Variants in SNX2 observed in about 807,000 individuals in gnomAD.
SNX2 encodes the protein sorting nexin 2, also known as sorting nexin-2.
In SNX2, 25 loss-of-function variants were observed where a neutral mutation model predicts 69.9. The observed-to-expected ratio is 0.36, with a 90% CI of 0.26 to 0.50. The LOEUF (loss-of-function observed/expected upper bound fraction) is 0.50. SNX2 is among the 20% of genes least tolerant of loss of function. SNX2 has a pLI of 0.97. For synonymous variants in SNX2, 229 were observed against 200.4 expected, an observed-to-expected ratio of 1.14 and a Z score of -1.20; for missense variants, 551 against 613.3, an observed-to-expected ratio of 0.90 and a Z score of 1.07.
At chr5:122,817,449 A>C in intron 10 of SNX2, 76 bp downstream of exon 10, 2 of 926,076 alleles carry the variant, frequency 2.2e-6, no homozygotes, top group Non-Finnish European at 3.2e-6. Context: ...TTATGAAAAT[A>C]AATATTCTGA....
At chr5:122,823,779 CGTGTGTGTGT>C (rs10559762) in intron 11 of SNX2, among the ~76,000 whole-genome samples, 59 of 145,918 alleles carry the variant, frequency 4.0e-4, no homozygotes, top group African/African-American at 5.5e-4. Flanking sequence ...AACATGTGGT[CGTGTGTGTGT>C]GTGTGTGTGT....
chr5:122,789,838 CAG>C (rs1339476617), intron 1 of SNX2, among the ~76,000 whole-genome samples: 1 of 152,182 alleles, frequency 6.6e-6, no homozygotes, highest in Non-Finnish European at 1.5e-5. Context: ...TATGATCTGT[CAG>C]AATTTGTTTA....
intron 1 of SNX2, among the ~76,000 whole-genome samples, chr5:122,790,705 G>A (rs980036258): frequency 3.3e-5 from 5 of 152,316 alleles, no homozygotes; most frequent in African/African-American, 9.6e-5. Context: ...GTGAGAGAAA[G>A]GGTAGAAGAT....
chr5:122,779,262 G>A (rs534727859), intron 1 of SNX2, among the ~76,000 whole-genome samples: 37 of 152,178 alleles, frequency 2.4e-4, no homozygotes, highest in Non-Finnish European at 4.1e-4. Context: ...GTTTTAGAGC[G>A]TTTTCATCAC....
chr5:122,798,685 C>T (rs1753440957), intron 2 of SNX2, among the ~76,000 whole-genome samples: 1 of 152,094 alleles, frequency 6.6e-6, no homozygotes, highest in South Asian at 2.1e-4. Flanking sequence ...ACATTATGGC[C>T]ACCACTTGTG....
At chr5:122,803,795 T>G (rs1006586901) in intron 6 of SNX2, 182 bp downstream of exon 6, 3 of 503,460 alleles carry the variant, frequency 6.0e-6, no homozygotes, top group Non-Finnish European at 1.0e-5. Context: ...GGTAATAGTT[T>G]TATTTTCTAA....
intron 11 of SNX2, among the ~76,000 whole-genome samples, chr5:122,825,563 C>A (rs561665496): frequency 1.5e-4 from 23 of 151,886 alleles, no homozygotes; most frequent in African/African-American, 5.5e-4. Flanking sequence ...GTTTTGATTG[C>A]TTTGCCTTTT....
chr5:122,816,941 T>C lies in SNX2; in HGVS notation c.825T>C (p.Ala275=). 1.2e-6 allele frequency: 2 copies of C among 1,613,346 alleles called. No individual in the cohort carries two copies. The highest frequency in any genetic ancestry group is 1.7e-6 in the Non-Finnish European group (2 of 1,179,454). ...TGCCTAGAGCAGTTAATACACAGGC[T>C]CTGAGTGGAGCAGGAATATTGAGGA... ...SELPRAVNTQ[A]LSGAGILRMV... The change falls in exon 9 of 15, where the codon GCT becomes GCC. Residue 275 remains alanine (A), a synonymous_variant. Transcript: ENST00000379516.
rs539504152 is a variant in SNX2, at chr5:122,795,896, A to G, written c.226+513A>G. Among the ~76,000 whole-genome samples the G allele has an allele frequency of 2.8e-4, 43 of 152,328 alleles. 1 individual carries two copies. The highest frequency in any genetic ancestry group is 9.6e-4 in the African/African-American group (40 of 41,586). ...ACAGGGGCAGGATTTGGTGTAGTTC[A>G]TCCTAACTTAAGAAGGACTCTGTTT... On this transcript the variant is annotated intron_variant, in intron 2 of 14. Coordinates refer to ENST00000379516, the MANE Select transcript of SNX2 (RefSeq NM_003100.4).
chr5:122,821,517 G>A (rs546444299), intron 11 of SNX2, among the ~76,000 whole-genome samples: 31 of 151,164 alleles, frequency 2.1e-4, no homozygotes, highest in Admixed American at 7.2e-4. Context: ...GTGCAGTGGC[G>A]TGATTTCGGC....
intron 1 of SNX2, among the ~76,000 whole-genome samples, chr5:122,782,368 A>G (rs1358188529): frequency 6.6e-6 from 1 of 151,716 alleles, no homozygotes; most frequent in African/African-American, 2.4e-5. Flanking sequence ...CCTCCTGAAT[A>G]GCTGGGATTA....
At chr5:122,819,845 T>C (rs932122930) in intron 11 of SNX2, among the ~76,000 whole-genome samples, 1 of 152,222 alleles carries the variant, frequency 6.6e-6, no homozygotes, top group Non-Finnish European at 1.5e-5. Context: ...GTGATCAAGT[T>C]AATACTCATC....
intron 2 of SNX2, among the ~76,000 whole-genome samples, chr5:122,795,953 G>A (rs1234671953): frequency 6.6e-6 from 1 of 152,098 alleles, no homozygotes; most frequent in Non-Finnish European, 1.5e-5. Context: ...TAAAATTAAT[G>A]TTTTAATATT....
At chr5:122,776,039 A>G (rs776996220) in intron 1 of SNX2, among the ~76,000 whole-genome samples, 2 of 152,154 alleles carry the variant, frequency 1.3e-5, no homozygotes, top group Non-Finnish European at 2.9e-5. Flanking sequence ...CCTTATATCC[A>G]GTTCCATTTG....
chr5:122,821,753 C>A (rs1466835441), intron 11 of SNX2, among the ~76,000 whole-genome samples: 1 of 152,118 alleles, frequency 6.6e-6, no homozygotes, highest in Non-Finnish European at 1.5e-5. Flanking sequence ...TTGCGCCTGG[C>A]CGGTAGATGT....
chr5:122,799,390 A>G (rs891857851), intron 2 of SNX2, among the ~76,000 whole-genome samples: 1 of 152,186 alleles, frequency 6.6e-6, no homozygotes, highest in Admixed American at 6.5e-5. Context: ...AAGTTGTTAC[A>G]AATCCAAACA....
At chr5:122,801,815 G>A (rs1753522166) in intron 3 of SNX2, 54 bp from the exon 4 acceptor site, 1 of 1,123,356 alleles carries the variant, frequency 8.9e-7, no homozygotes, top group Non-Finnish European at 1.3e-6. Flanking sequence ...TTAGTGTCAT[G>A]ACAATAATTT....
At chr5:122,811,558 G>A (rs532422415) in intron 7 of SNX2, among the ~76,000 whole-genome samples, 8 of 152,246 alleles carry the variant, frequency 5.3e-5, no homozygotes, top group South Asian at 4.1e-4. Flanking sequence ...GAGGCTGGGC[G>A]CGGTGGCTCA....
chr5:122,812,887 A>G (rs1469262394), intron 7 of SNX2, among the ~76,000 whole-genome samples: 1 of 152,200 alleles, frequency 6.6e-6, no homozygotes, highest in Non-Finnish European at 1.5e-5. Context: ...TTCAAGCAAG[A>G]TAAATATTTG....
Sources: allele counts gnomAD v4.1 joint callset (sites outside exome capture counted in the v4.1 genomes callset), GRCh38; gene constraint gnomAD v4.1.1; transcripts MANE v1.5; gene names NCBI Gene and HGNC (gene_info 2026-07-23, HGNC 2026-07-21).